Variants in PDE1C observed in about 807,000 individuals in gnomAD.
PDE1C encodes dual specificity calcium/calmodulin-dependent 3',5'-cyclic nucleotide phosphodiesterase 1C.
In PDE1C, 62 loss-of-function variants were observed where a neutral mutation model predicts 93.1. That is an observed-to-expected ratio of 0.67 (90% confidence interval 0.54 to 0.82). PDE1C has a LOEUF of 0.82. Ranked by LOEUF, PDE1C falls within the 40% of genes least tolerant of loss-of-function variation. The pLI, the probability that PDE1C is intolerant of heterozygous loss-of-function variation, is 0.00. For missense variants in PDE1C, 742 were observed against 884.6 expected (o/e 0.84, Z 2.04); for synonymous variants, 325 against 310.1 (o/e 1.05, Z -0.50).
At chr7:31,774,299 A>C (rs1795690756) in intron 17 of PDE1C, among the ~76,000 whole-genome samples, 3 of 151,812 alleles carry the variant, frequency 2.0e-5, no homozygotes, top group Admixed American at 2.0e-4. Flanking sequence ...CACTAAAAAA[A>C]CTGTTTTTTT....
chr7:32,317,186 G>T (rs1783192280), intron 1 of PDE1C, among the ~76,000 whole-genome samples: 1 of 152,202 alleles, frequency 6.6e-6, no homozygotes. Context: ...TTAGTTTAAT[G>T]ATTAGATTGA....
chr7:31,624,861 G>C, the PDE1C span, among the ~76,000 whole-genome samples: 4 of 152,084 alleles, frequency 2.6e-5, no homozygotes, highest in Non-Finnish European at 4.4e-5. Context: ...AAAAATTTTC[G>C]CAACCTATTC....
chr7:31,880,784 C>A lies in PDE1C; in HGVS notation c.205G>T (p.Ala69Ser). Reference protein sequence around the residue: ...VDLKKNLEYAATVLESVYIDE... With the variant: ...VDLKKNLEYASTVLESVYIDE... ...ATATACACAGATTCAAGCACTGTGG[C>A]TGCATATTCCAAATTCTTCTTAAGA... The change falls in exon 3 of 18, where the codon GCC (alanine) becomes TCC (serine). Residue 69 changes from alanine (A) to serine (S), a missense_variant. Coordinates refer to ENST00000396191, the MANE Select transcript of PDE1C (RefSeq NM_001191057.4). 6.2e-7 allele frequency: 1 copy of A among 1,610,186 alleles called. No homozygotes were observed. The highest frequency in any genetic ancestry group is 8.5e-7 in the Non-Finnish European group (1 of 1,176,574).
chr7:31,789,061 C>T (rs1784299119), intron 16 of PDE1C: 1 of 152,176 alleles, frequency 6.6e-6, no homozygotes, highest in East Asian at 1.9e-4. Flanking sequence ...TACTAATCCC[C>T]ACTTCATCAT....
chr7:31,945,060 G>A (rs576305008), intron 2 of PDE1C, among the ~76,000 whole-genome samples: 77 of 151,620 alleles, frequency 5.1e-4, no homozygotes, highest in South Asian at 4.0e-3. Flanking sequence ...AAAAATTTTC[G>A]TGGTGTCCCT....
chr7:31,722,578 T>C, the PDE1C span, among the ~76,000 whole-genome samples: 1 of 152,044 alleles, frequency 6.6e-6, no homozygotes, highest in African/African-American at 2.4e-5. Context: ...TATCTGAGGG[T>C]GGATGGAGCT....
chr7:32,398,454 T>C (rs1784880863), intron 1 of PDE1C, among the ~76,000 whole-genome samples: 1 of 151,482 alleles, frequency 6.6e-6, no homozygotes, highest in South Asian at 2.1e-4. Flanking sequence ...AGTGGCGCAA[T>C]CTTGGCTGGC....
At chr7:32,007,527 C>T (rs1786441216) in intron 2 of PDE1C, among the ~76,000 whole-genome samples, 1 of 152,100 alleles carries the variant, frequency 6.6e-6, no homozygotes, top group South Asian at 2.1e-4. Flanking sequence ...ATCATGGAGG[C>T]TTATTATGAG....
chr7:31,617,474 A>C, the PDE1C span, among the ~76,000 whole-genome samples: 4 of 143,816 alleles, frequency 2.8e-5, no homozygotes, highest in African/African-American at 7.8e-5. Flanking sequence ...AATTAGTATA[A>C]AAATCAAAAC....
chr7:31,713,682 TC>T, the PDE1C span, among the ~76,000 whole-genome samples: 6 of 152,318 alleles, frequency 3.9e-5, no homozygotes, highest in East Asian at 1.2e-3. Context: ...CCATGTATCC[TC>T]TCAAATCTAG....
At chr7:31,715,715 G>T in the PDE1C span, among the ~76,000 whole-genome samples, 1 of 152,264 alleles carries the variant, frequency 6.6e-6, no homozygotes, top group East Asian at 1.9e-4. Context: ...ACAGAGTTTT[G>T]TTCCATCCCA....
At chr7:32,415,200 C>T (rs1262176212) in intron 1 of PDE1C, among the ~76,000 whole-genome samples, 1 of 152,078 alleles carries the variant, frequency 6.6e-6, no homozygotes, top group Non-Finnish European at 1.5e-5. Context: ...CCTGTAATTC[C>T]AACACTTGGA....
intron 1 of PDE1C, among the ~76,000 whole-genome samples, chr7:32,328,821 T>C (rs1783455015): frequency 1.3e-5 from 2 of 152,236 alleles, no homozygotes; most frequent in Non-Finnish European, 2.9e-5. Context: ...ATGTCCTATT[T>C]TCCCTATTAG....
At chr7:31,739,484 C>T in the PDE1C span, among the ~76,000 whole-genome samples, 7 of 152,222 alleles carry the variant, frequency 4.6e-5, no homozygotes, top group East Asian at 1.4e-3. Flanking sequence ...GACCATGTGT[C>T]GGGCACTATG....
intron 2 of PDE1C, among the ~76,000 whole-genome samples, chr7:31,912,789 A>T (rs1030823279): frequency 7.9e-5 from 12 of 152,240 alleles, no homozygotes; most frequent in African/African-American, 1.4e-4. Context: ...TGTTTTCTTT[A>T]AAAAAGACAA....
chr7:31,711,926 G>A, the PDE1C span, among the ~76,000 whole-genome samples: 11 of 152,184 alleles, frequency 7.2e-5, no homozygotes, highest in African/African-American at 2.6e-4. Context: ...GCCATGGCTG[G>A]GGACCCTCCT....
chr7:32,048,996 C>T (rs1391667021), intron 2 of PDE1C, among the ~76,000 whole-genome samples: 1 of 152,168 alleles, frequency 6.6e-6, no homozygotes, highest in Non-Finnish European at 1.5e-5. Flanking sequence ...TTGAGCAGCT[C>T]TCTTGTAAAA....
intron 2 of PDE1C, among the ~76,000 whole-genome samples, chr7:32,034,231 T>C (rs1467436354): frequency 6.6e-6 from 1 of 152,114 alleles, no homozygotes; most frequent in African/African-American, 2.4e-5. Flanking sequence ...CATGAACTTC[T>C]AAAAGCAAAA....
intron 9 of PDE1C, among the ~76,000 whole-genome samples, chr7:31,839,319 A>C (rs1284775870): frequency 6.6e-6 from 1 of 151,298 alleles, no homozygotes; most frequent in African/African-American, 2.4e-5. Flanking sequence ...TATTATTTTA[A>C]AATATAATAG....
Sources: gnomAD v4.1 joint callset for allele counts (sites outside exome capture counted in the v4.1 genomes callset) on GRCh38, gnomAD v4.1.1 for gene constraint, MANE v1.5 for transcripts, NCBI Gene and HGNC (gene_info 2026-07-23, HGNC 2026-07-21) for gene names.